The following ELF2 variants were observed in gnomAD, a reference collection of about 807,000 sequenced individuals.
The protein encoded by ELF2 is ETS-related transcription factor Elf-2.
A neutral mutation model predicts 54.8 loss-of-function variants in ELF2; 11 were observed. The ratio of observed to expected loss-of-function variants is 0.20; its 90% confidence interval spans 0.13 to 0.33. The LOEUF (loss-of-function observed/expected upper bound fraction) is 0.33. Ranked by LOEUF, ELF2 falls within the 10% of genes least tolerant of loss-of-function variation. ELF2 has a pLI of 1.00. For synonymous variants in ELF2, 203 were observed against 245.1 expected (o/e 0.83, Z 1.61); for missense variants, 513 against 703.0 (o/e 0.73, Z 3.06).
At chr4:139,113,068 T>C (rs1735138191) in intron 4 of ELF2, among the ~76,000 whole-genome samples, 1 of 152,156 alleles carries the variant, frequency 6.6e-6, no homozygotes, top group Non-Finnish European at 1.5e-5. Flanking sequence ...CTAAAATCAT[T>C]CCTTTTCATC....
chr4:139,069,835 A>C (rs1347204153), intron 6 of ELF2, among the ~76,000 whole-genome samples: 1 of 150,536 alleles, frequency 6.6e-6, no homozygotes, highest in Non-Finnish European at 1.5e-5. Flanking sequence ...GTACAGACAG[A>C]ATGGTTACAT....
At chr4:139,059,716 C>T in intron 9 of ELF2, 109 bp from the exon 10 acceptor site, 1 of 1,310,924 alleles carries the variant, frequency 7.6e-7, no homozygotes, top group South Asian at 1.4e-5. Context: ...TTAGTGCTCC[C>T]AAATTTTACA....
At chr4:139,151,072 G>GA (rs1192571929) in intron 1 of ELF2, among the ~76,000 whole-genome samples, 1 of 123,584 alleles carries the variant, frequency 8.1e-6, no homozygotes, top group African/African-American at 2.7e-5. Flanking sequence ...AAGAAAGAAA[G>GA]AAAGAAAGAA....
In ELF2 at chr4:139,099,062, A is replaced by C. The variant is rs187404155; in HGVS notation, c.239-25495T>G. On this transcript the variant is annotated intron_variant, in intron 4 of 9. Transcript: ENST00000686138. The stretch of plus-strand genomic sequence containing the variant: ...GAAAGCTACGTCTTCTATGTTCTGG[A>C]TGTTTAAAATAAATGTCCCTCTTTT... Among the ~76,000 whole-genome samples the C allele has an allele frequency of 1.1e-4, 17 of 152,290 alleles. 1 individual carries two copies. The highest frequency in any genetic ancestry group is 1.1e-3 in the Admixed American group (17 of 15,302).
chr4:139,134,130 T>C (rs1737848856), intron 3 of ELF2, among the ~76,000 whole-genome samples: 2 of 152,156 alleles, frequency 1.3e-5, no homozygotes, highest in African/African-American at 2.4e-5. Context: ...GCTGAGAAAA[T>C]TGCCCTTTAT....
At chr4:139,073,955 C>T (rs979619181) in intron 4 of ELF2, among the ~76,000 whole-genome samples, 9 of 152,144 alleles carry the variant, frequency 5.9e-5, no homozygotes, top group African/African-American at 1.9e-4. Context: ...GGTGAAACCC[C>T]GTCTCTACCA....
In ELF2 at chr4:139,137,722, T is replaced by C. The variant is rs1283243780; in HGVS notation, c.-21A>G. The C allele has an allele frequency of 4.3e-6, 7 of 1,613,546 alleles. No individual in the cohort carries two copies. Among genetic ancestry groups the C allele is most frequent in the South Asian group, 1.1e-5 (1 of 91,006 alleles). ...GTCATTGTTATTCCCTGAGGAAGCT[T>C]CAAACGCTATTAATCAATGAAATTA... is the stretch of plus-strand genomic sequence containing the variant. On this transcript the variant is annotated 5_prime_UTR_variant, in exon 3 of 10. Transcript: ENST00000686138.
chr4:139,110,643 T>A (rs1052658272), intron 4 of ELF2, among the ~76,000 whole-genome samples: 2 of 152,246 alleles, frequency 1.3e-5, no homozygotes, highest in Non-Finnish European at 2.9e-5. Context: ...GTTCTTGCTT[T>A]AAAATCTCCA....
At chr4:139,073,363 C>A (rs1354625360) in intron 5 of ELF2, 91 bp downstream of exon 5, 13 of 753,440 alleles carry the variant, frequency 1.7e-5, no homozygotes. Flanking sequence ...GAATTCCCAA[C>A]AATTCCATTG....
intron 4 of ELF2, among the ~76,000 whole-genome samples, chr4:139,078,590 T>A (rs4863626): frequency 6.8e-6 from 1 of 146,946 alleles, no homozygotes. Context: ...TTTTTTTTTT[T>A]ACACTCTCGG....
At chr4:139,148,650 T>A (rs1739522489) in intron 1 of ELF2, among the ~76,000 whole-genome samples, 1 of 152,034 alleles carries the variant, frequency 6.6e-6, no homozygotes, top group East Asian at 1.9e-4. Flanking sequence ...TTTGAGATGT[T>A]TCTACTTTTT....
chr4:139,168,244 T>A (rs1156612136), intron 1 of ELF2, among the ~76,000 whole-genome samples: 1 of 152,214 alleles, frequency 6.6e-6, no homozygotes, highest in Non-Finnish European at 1.5e-5. Context: ...TTACAACAGG[T>A]CTCATCTAGT....
intron 4 of ELF2, among the ~76,000 whole-genome samples, chr4:139,076,288 C>T (rs1350272552): frequency 6.6e-6 from 1 of 152,172 alleles, no homozygotes; most frequent in Non-Finnish European, 1.5e-5. Flanking sequence ...GGTGACCCTG[C>T]TTACTCTTAT....
At chr4:139,059,686 C>A (rs1266522842) in intron 9 of ELF2, 79 bp from the exon 10 acceptor site, 2 of 1,506,760 alleles carry the variant, frequency 1.3e-6, no homozygotes, top group African/African-American at 1.4e-5. Flanking sequence ...AAGATTAATA[C>A]AAATCCAAAA....
chr4:139,139,647 A>G (rs759365496), intron 1 of ELF2, 150 bp from the exon 2 acceptor site: 3 of 346,790 alleles, frequency 8.7e-6, no homozygotes, highest in Non-Finnish European at 1.4e-5. Flanking sequence ...AATATAATAA[A>G]TTATTTCTAG....
At chr4:139,150,942 G>A (rs1293444194) in intron 1 of ELF2, among the ~76,000 whole-genome samples, 1 of 146,860 alleles carries the variant, frequency 6.8e-6, no homozygotes, top group African/African-American at 2.6e-5. Context: ...GGAGAATGGC[G>A]TGAACCCGGG....
chr4:139,087,532 C>T (rs1732109475), intron 4 of ELF2, among the ~76,000 whole-genome samples: 2 of 152,214 alleles, frequency 1.3e-5, no homozygotes, highest in Admixed American at 6.5e-5. Context: ...GTGGCGCGAT[C>T]TCGGCTCACT....
intron 3 of ELF2, among the ~76,000 whole-genome samples, chr4:139,127,486 T>C (rs921294544): frequency 2.6e-5 from 4 of 152,190 alleles, no homozygotes; most frequent in African/African-American, 9.7e-5. Context: ...CCTAACTCAA[T>C]TAGCTTGGTA....
At chr4:139,073,036 A>G (rs932064852) in intron 5 of ELF2, among the ~76,000 whole-genome samples, 2 of 152,210 alleles carry the variant, frequency 1.3e-5, no homozygotes, top group Admixed American at 1.3e-4. Flanking sequence ...AAAAATGTCA[A>G]AAGCTCCCTT....
Sources: gnomAD v4.1 joint callset for allele counts (sites outside exome capture counted in the v4.1 genomes callset) on GRCh38, gnomAD v4.1.1 for gene constraint, MANE v1.5 for transcripts, NCBI Gene and HGNC (gene_info 2026-07-23, HGNC 2026-07-21) for gene names.